The following CELSR1 variants were observed in gnomAD, a reference collection of about 807,000 sequenced individuals.
CELSR1 encodes the protein adhesion G protein-coupled receptor C1.
In CELSR1, 110 loss-of-function variants were observed where a neutral mutation model predicts 249.1. That is an observed-to-expected ratio of 0.44 (90% confidence interval 0.38 to 0.52). CELSR1 has a LOEUF of 0.52. CELSR1 is among the 20% of genes least tolerant of loss of function. CELSR1 has a pLI of 0.00. For synonymous variants in CELSR1, 2,113 were observed against 1,900.0 expected (o/e 1.11, Z -2.92); for missense variants, 4,109 against 4,296.4 (o/e 0.96, Z 1.22).
At chr22:46,513,907 C>T (rs2080599218) in intron 1 of CELSR1, among the ~76,000 whole-genome samples, 1 of 148,370 alleles carries the variant, frequency 6.7e-6, no homozygotes, top group South Asian at 2.3e-4. Flanking sequence ...ATTCTCCTGC[C>T]TCAGCCCCCC....
In CELSR1 at chr22:46,506,294, C is replaced by T. The variant is rs1002458976; in HGVS notation, c.3544+27333G>A. 6.6e-5 allele frequency among the ~76,000 whole-genome samples: 10 copies of T among 152,198 alleles called. No homozygotes were observed. The highest frequency in any genetic ancestry group is 6.5e-4 in the Admixed American group (10 of 15,282). Reference sequence around the variant, plus strand: ...CCCGCCATGATCCCTCCAAGCCTGGCACCTCCACCGTGCCTGGCCTGGGGG... The same window carrying T: ...CCCGCCATGATCCCTCCAAGCCTGGTACCTCCACCGTGCCTGGCCTGGGGG... On this transcript the variant is annotated intron_variant, in intron 1 of 34. Coordinates refer to ENST00000674500, the MANE Select transcript of CELSR1 (RefSeq NM_001378328.1). This position sits in a 1 kb window ranked among gnomAD's most constrained non-coding sequence, Gnocchi z 4.1.
intron 1 of CELSR1, among the ~76,000 whole-genome samples, chr22:46,511,117 A>AACAC (rs10694625): frequency 0.024 from 3,522 of 149,830 alleles, 121 homozygotes; most frequent in African/African-American, 0.076. Flanking sequence ...TCGTCTCAAA[A>AACAC]ACACACACAC....
At chr22:46,493,200 T>C (rs535370245) in intron 1 of CELSR1, among the ~76,000 whole-genome samples, 13 of 151,098 alleles carry the variant, frequency 8.6e-5, no homozygotes, top group Admixed American at 8.6e-4. Flanking sequence ...CAATGAGCCA[T>C]GATGGCACCA....
chr22:46,404,176 T>G (rs1187079697), intron 9 of CELSR1, among the ~76,000 whole-genome samples: 1 of 151,670 alleles, frequency 6.6e-6, no homozygotes, highest in East Asian at 1.9e-4. Flanking sequence ...CTTTGGGAGA[T>G]CGAGGCGGGT....
rs568165074 is a variant in CELSR1 at position 46,406,446 on chromosome 22, G to A, written c.5226+2550C>T. The stretch of plus-strand genomic sequence containing the variant: ...AACAGGAGGCTCCCTGTCCAGGCCT[G>A]AGCCCCTGCCCCACAGCCCCGACCC... On this transcript the variant is annotated intron_variant, in intron 9 of 34. Coordinates refer to ENST00000674500, the MANE Select transcript of CELSR1 (RefSeq NM_001378328.1). The surrounding 1 kb of genome is among the most constrained non-coding windows in gnomAD (Gnocchi z 5.4). 1.4e-3 allele frequency among the ~76,000 whole-genome samples: 213 copies of A among 152,310 alleles called. 3 individuals carry two copies. Among genetic ancestry groups the A allele is most frequent in the African/African-American group, 4.8e-3 (198 of 41,568 alleles).
chr22:46,496,377 G>T (rs2080413871), intron 1 of CELSR1, among the ~76,000 whole-genome samples: 1 of 152,036 alleles, frequency 6.6e-6, no homozygotes, highest in Non-Finnish European at 1.5e-5. Flanking sequence ...AGTCCAGCCT[G>T]GCCAACATGG....
chr22:46,391,305 G>A lies in CELSR1; in HGVS notation c.6149-18C>T, dbSNP rs983816928. 1.1e-5 allele frequency: 17 copies of A among 1,609,304 alleles called. No homozygotes were observed. In the East Asian group the frequency reaches 1.6e-4, roughly 15 times the overall value. ...GTAGATCACTGGGGTAGAGAAGAGAGAAGTCTGCTCAGCGGGGCACGCCAC... is the reference window on the plus strand; with the variant it reads ...GTAGATCACTGGGGTAGAGAAGAGAAAAGTCTGCTCAGCGGGGCACGCCAC... On this transcript the variant is annotated intron_variant, in intron 15 of 34. Transcript: ENST00000674500. This position sits in a 1 kb window ranked among gnomAD's most constrained non-coding sequence, Gnocchi z 4.3.
chr22:46,389,625 C>G, intron 17 of CELSR1, 126 bp from the exon 18 acceptor site: 1 of 1,075,862 alleles, frequency 9.3e-7, no homozygotes, highest in Non-Finnish European at 1.4e-6. Flanking sequence ...TTAAAAAATC[C>G]AAAAGCCTGG....
At position 46,489,694 on chromosome 22, in the gene CELSR1, C is replaced by T. The variant is rs368432308; in HGVS notation, c.3545-25349G>A. ...TTGGGAGGCCGAGACAGGTGGATCA[C>T]CTGAGGTCAGGAGTTTGAGACCAGC... On this transcript the variant is annotated intron_variant, in intron 1 of 34. Transcript: ENST00000674500. 2.0e-4 allele frequency among the ~76,000 whole-genome samples: 31 copies of T among 152,164 alleles called. No homozygotes were observed. In the South Asian group the frequency reaches 6.4e-3, roughly 32 times the overall value.
At chr22:46,383,357 G>C (rs1001248874) in intron 20 of CELSR1, among the ~76,000 whole-genome samples, 7 of 152,138 alleles carry the variant, frequency 4.6e-5, no homozygotes, top group African/African-American at 1.2e-4. Flanking sequence ...AATTGTCATG[G>C]ATCTGTAAAA....
Position 46,436,220 on chromosome 22 carries a change from G to T in CELSR1, c.4476C>A (p.Ile1492=), listed in dbSNP as rs571815006. Residue 1492 remains isoleucine, a synonymous_variant, in exon 4 of 35, where the codon ATC becomes ATA. Transcript: ENST00000674500. This position sits in a 1 kb window ranked among gnomAD's most constrained non-coding sequence, Gnocchi z 5.9. ...CCTGCTCGTCCACGATCTCCAGGGC[G>T]ATGAAGTCGTGCTTCTCATTGAAGC... The part of the protein sequence containing the change: ...NGRFNEKHDF[I]ALEIVDEQVQ... The T allele has an allele frequency of 2.5e-6, 4 of 1,614,114 alleles. No homozygotes were observed. The highest frequency in any genetic ancestry group is 3.4e-6 in the Non-Finnish European group (4 of 1,180,010).
chr22:46,495,316 G>T (rs1475526338), intron 1 of CELSR1, among the ~76,000 whole-genome samples: 2 of 152,138 alleles, frequency 1.3e-5, no homozygotes, highest in Non-Finnish European at 2.9e-5. Context: ...GCAAATATTT[G>T]TAAGTCTAAA....
rs1207033651 is a variant in CELSR1, at chr22:46,372,980, C to G, written c.7662G>C (p.Leu2554=). The G allele has an allele frequency of 3.7e-6, 6 of 1,613,236 alleles. No homozygotes were observed. The highest frequency in any genetic ancestry group is 5.1e-6 in the Non-Finnish European group (6 of 1,179,878). ...CCTCGGTCAGCATGCGGTAGACATG[C>G]AGGCTCTCCACGAGGGTCCAGGCAA... is the stretch of plus-strand genomic sequence containing the variant. ...STFAWTLVES[L]HVYRMLTEVR... Residue 2554 remains leucine (L), a synonymous_variant, in exon 25 of 35, where the codon CTG becomes CTC. Transcript: ENST00000674500.
At chr22:46,435,578 C>T (rs555072623) in intron 4 of CELSR1, among the ~76,000 whole-genome samples, 42 of 152,216 alleles carry the variant, frequency 2.8e-4, no homozygotes, top group Non-Finnish European at 4.3e-4. Flanking sequence ...CCACTGCACC[C>T]GGCCAGTGTT....
Position 46,363,069 on chromosome 22 carries a change from A to C in CELSR1, c.*154T>G, listed in dbSNP as rs2147146881. ...CTGGATGATCAGTCGGGGGGCTGCCACCATGGGGACCGCCACACTCTGGGC... is the reference window on the plus strand; with the variant it reads ...CTGGATGATCAGTCGGGGGGCTGCCCCCATGGGGACCGCCACACTCTGGGC... On this transcript the variant is annotated 3_prime_UTR_variant, in exon 35 of 35. Transcript: ENST00000674500. The surrounding 1 kb of genome is among the most constrained non-coding windows in gnomAD (Gnocchi z 4.3). The C allele has an allele frequency of 6.7e-7, 1 of 1,502,554 alleles. No individual in the cohort carries two copies. The highest frequency in any genetic ancestry group is 9.2e-7 in the Non-Finnish European group (1 of 1,084,708). 93.1% of individuals were successfully genotyped at this position (1,502,554 alleles called of 1,614,324 possible).
Position 46,398,660 on chromosome 22 carries a change from G to A in CELSR1, c.5413-23C>T, listed in dbSNP as rs2079178197. 5.1e-6 allele frequency: 8 copies of A among 1,573,244 alleles called. No homozygotes were observed. The highest frequency in any genetic ancestry group is 6.9e-6 in the Non-Finnish European group (8 of 1,153,704). ...GTTCTGTGCGGAGAGAGGGGCCGGG[G>A]ATCTGGGGGCTGCATCCACCATCCT... On this transcript the variant is annotated intron_variant, in intron 10 of 34. Coordinates refer to ENST00000674500, the MANE Select transcript of CELSR1 (RefSeq NM_001378328.1). This position sits in a 1 kb window ranked among gnomAD's most constrained non-coding sequence, Gnocchi z 7.2.
At chr22:46,503,182 C>G (rs3788719) in intron 1 of CELSR1, among the ~76,000 whole-genome samples, 80,006 of 152,074 alleles carry the variant, frequency 0.53, 21,650 homozygotes, top group East Asian at 0.85. Context: ...GGACCTAAGA[C>G]CCAAGCAGAC....
chr22:46,386,812 G>A (rs1229475997), intron 18 of CELSR1, among the ~76,000 whole-genome samples: 1 of 152,134 alleles, frequency 6.6e-6, no homozygotes, highest in African/African-American at 2.4e-5. Flanking sequence ...GGAATGCAGT[G>A]GTGTCATCTC....
intron 3 of CELSR1, among the ~76,000 whole-genome samples, chr22:46,438,420 C>T (rs1319023523): frequency 2.0e-5 from 3 of 152,180 alleles, no homozygotes; most frequent in African/African-American, 7.2e-5. Context: ...CCACAGCCCC[C>T]ACTGCTCCCA....
Sources: gnomAD v4.1 joint callset for allele counts (sites outside exome capture counted in the v4.1 genomes callset) on GRCh38, gnomAD v4.1.1 for gene constraint, Gnocchi (gnomAD v3.1) non-coding constraint, MANE v1.5 for transcripts, NCBI Gene and HGNC (gene_info 2026-07-23, HGNC 2026-07-21) for gene names.